BIRC6: variants seen among roughly 807,000 people sequenced by gnomAD.
BIRC6 encodes the protein baculoviral IAP repeat containing 6, also known as dual E2 ubiquitin-conjugating enzyme/E3 ubiquitin-protein ligase BIRC6.
In BIRC6, 98 loss-of-function variants were observed where a neutral mutation model predicts 503.3. That is an observed-to-expected ratio of 0.19 (90% CI 0.17 to 0.23). The LOEUF is 0.23. Among genes scored for constraint, BIRC6 ranks in the 10% least tolerant of loss-of-function variants. BIRC6 has a pLI of 1.00. For missense variants in BIRC6, 5,360 were observed against 5,806.0 expected (o/e 0.92, Z 2.50); for synonymous variants, 2,240 against 2,078.7 (o/e 1.08, Z -2.11).
intron 54 of BIRC6, 134 bp from the exon 55 acceptor site, chr2:32,514,856 T>G: frequency 1.5e-6 from 1 of 677,964 alleles, no homozygotes; most frequent in Non-Finnish European, 2.4e-6. Flanking sequence ...TCTTAAATCT[T>G]ACAATGTTTT....
chr2:32,499,835 G>A lies in BIRC6; in HGVS notation c.8757G>A (p.Met2919Ile). ...GCGAAATGACAAGAGATCAACTCAT[G>A]TTTGATTTGTTAAAACTTGTTAACA... ...VCGEMTRDQLMFDLLKLVNIL... is the reference protein window; with the variant it reads ...VCGEMTRDQLIFDLLKLVNIL... The change falls in exon 46 of 74, where the codon ATG becomes ATA. Residue 2919 changes from methionine to isoleucine, a missense_variant. Physicochemically the swap from Met to Ile is conservative, Grantham distance 10. Coordinates refer to ENST00000421745, the MANE Select transcript of BIRC6 (RefSeq NM_016252.4). The A allele has an allele frequency of 6.2e-7, 1 of 1,614,004 alleles. No individual in the cohort carries two copies. The highest frequency in any genetic ancestry group is 8.5e-7 in the Non-Finnish European group (1 of 1,179,882).
chr2:32,607,191 A>G (rs1276474275), intron 71 of BIRC6, among the ~76,000 whole-genome samples: 1 of 46,844 alleles, frequency 2.1e-5, no homozygotes, highest in African/African-American at 1.2e-4. Context: ...TATTATTATT[A>G]TCATCTATCT....
At chr2:32,485,612 G>A in intron 39 of BIRC6, 31 bp from the exon 40 acceptor site, 3 of 1,437,434 alleles carry the variant, frequency 2.1e-6, no homozygotes, top group Non-Finnish European at 2.9e-6. Flanking sequence ...AATTGTCAAT[G>A]TTTTCTTTTT....
Position 32,464,774 on chromosome 2 carries a change from C to T in BIRC6, c.5207C>T (p.Pro1736Leu), listed in dbSNP as rs61754195. 0.01 allele frequency: 16,596 copies of T among 1,613,858 alleles called. 115 individuals are homozygous for T. The highest frequency in any genetic ancestry group is 0.013 in the Non-Finnish European group (14,749 of 1,179,792). ...QLFPGSVIDPPAVNLAAHNKN... is the reference protein window; with the variant it reads ...QLFPGSVIDPLAVNLAAHNKN... ...TTCCCAGGCTCAGTCATTGATCCCCCAGCAGTCAATCTTGCTGCACATAAC... is the reference window on the plus strand; with the variant it reads ...TTCCCAGGCTCAGTCATTGATCCCCTAGCAGTCAATCTTGCTGCACATAAC... The change falls in exon 25 of 74, where the codon CCA becomes CTA. Residue 1736 changes from proline to leucine, a missense_variant. Pro to Leu is a moderately conservative substitution (Grantham distance 98). Transcript: ENST00000421745.
At chr2:32,566,527 A>G (rs1375337902) in intron 65 of BIRC6, 1 of 151,776 alleles carries the variant, frequency 6.6e-6, no homozygotes, top group African/African-American at 2.4e-5. Context: ...TAATTTTTAA[A>G]ATTTTGTGTA....
intron 65 of BIRC6, among the ~76,000 whole-genome samples, chr2:32,571,086 C>T (rs1159450782): frequency 6.6e-6 from 1 of 152,144 alleles, no homozygotes; most frequent in African/African-American, 2.4e-5. Context: ...GTTGGGATTA[C>T]AGGTGTGAAC....
rs189532187 is a variant in BIRC6 at position 32,433,621 on chromosome 2, G to T, written c.3249-23G>T. The T allele has an allele frequency of 2.9e-4, 448 of 1,522,076 alleles. 1 individual carries two copies. In the African/African-American group the frequency reaches 5.5e-3, roughly 19 times the overall value. 94.3% of individuals were successfully genotyped at this position (1,522,076 alleles called of 1,614,324 possible). On this transcript the variant is annotated intron_variant, in intron 12 of 73. Coordinates refer to ENST00000421745, the MANE Select transcript of BIRC6 (RefSeq NM_016252.4). ...TGAAGAAAGATTTTTGCTTTATTTAGCATTTTTCCCCTTATTTGACAGCAA... is the reference window on the plus strand; with the variant it reads ...TGAAGAAAGATTTTTGCTTTATTTATCATTTTTCCCCTTATTTGACAGCAA...
At chr2:32,484,550 C>CAAAAA (rs1251134880) in intron 39 of BIRC6, among the ~76,000 whole-genome samples, 1 of 69,618 alleles carries the variant, frequency 1.4e-5, no homozygotes, top group African/African-American at 4.5e-5. Flanking sequence ...AACTCCAACT[C>CAAAAA]AAAAAAAAAA....
At chr2:32,525,223 A>G (rs1174131806) in intron 58 of BIRC6, among the ~76,000 whole-genome samples, 3 of 152,140 alleles carry the variant, frequency 2.0e-5, no homozygotes, top group Non-Finnish European at 4.4e-5. Flanking sequence ...TTCAGAGATT[A>G]TAGCAGCTAG....
At chr2:32,530,592 C>T (rs2056658737) in intron 60 of BIRC6, among the ~76,000 whole-genome samples, 1 of 135,062 alleles carries the variant, frequency 7.4e-6, no homozygotes, top group South Asian at 2.6e-4. Context: ...TTATTTGTTC[C>T]CCAATCATCG....
At position 32,453,852 on chromosome 2, in the gene BIRC6, A is replaced by C; in HGVS notation, c.4663A>C (p.Thr1555Pro). ...TTGCACAGCTGCTGAGGGTAGTTTC[A>C]CATCTCTCACTGGACTTTTGGAAGT... ...SSCTAAEGSF[T>P]SLTGLLEVEP... The change falls in exon 23 of 74, where the codon ACA (threonine) becomes CCA (proline). Residue 1555 changes from threonine to proline, a missense_variant. Thr to Pro is a conservative substitution (Grantham distance 38). This residue lies in a region of BIRC6 where 2,299 missense variants were observed against 2,267.2 expected (regional missense o/e 1.01). Transcript: ENST00000421745. 6.2e-6 allele frequency: 10 copies of C among 1,613,796 alleles called. No individual in the cohort carries two copies. The highest frequency in any genetic ancestry group is 8.5e-6 in the Non-Finnish European group (10 of 1,179,720).
chr2:32,385,541 G>A (rs1280493289), intron 3 of BIRC6, among the ~76,000 whole-genome samples: 1 of 152,188 alleles, frequency 6.6e-6, no homozygotes, highest in African/African-American at 2.4e-5. Context: ...AAGGAGAATG[G>A]TTATTTGCAT....
intron 61 of BIRC6, among the ~76,000 whole-genome samples, chr2:32,542,900 A>C (rs1029422109): frequency 1.3e-5 from 2 of 152,020 alleles, no homozygotes; most frequent in African/African-American, 4.8e-5. Context: ...CCTGGGTTCA[A>C]GTGTTTCTCC....
At chr2:32,530,721 C>G (rs1337756393) in intron 60 of BIRC6, among the ~76,000 whole-genome samples, 1 of 152,030 alleles carries the variant, frequency 6.6e-6, no homozygotes, top group Non-Finnish European at 1.5e-5. Flanking sequence ...AAAATTCAGT[C>G]TTTAGTTATT....
chr2:32,512,728 G>C (rs1231650481), intron 53 of BIRC6, among the ~76,000 whole-genome samples: 1 of 152,180 alleles, frequency 6.6e-6, no homozygotes, highest in Admixed American at 6.5e-5. Context: ...AATTGGTAAG[G>C]TTATTGGAAA....
Position 32,532,684 on chromosome 2 carries a change from A to G in BIRC6, c.12291+1133A>G, listed in dbSNP as rs890530193. On this transcript the variant is annotated intron_variant, in intron 61 of 73. Transcript: ENST00000421745. ...TTATTCATGTTATTGCTTCCCTAGT[A>G]TTCAAAAATATAAGATGATATAACT... is the stretch of plus-strand genomic sequence containing the variant. Among the ~76,000 whole-genome samples the G allele has an allele frequency of 2.0e-5, 3 of 152,316 alleles. No individual in the cohort carries two copies. The East Asian group carries it at 5.8e-4, about 29-fold the overall frequency.
intron 38 of BIRC6, among the ~76,000 whole-genome samples, 194 bp from the exon 39 acceptor site, chr2:32,482,235 G>C (rs1200471982): frequency 6.6e-6 from 1 of 152,160 alleles, no homozygotes; most frequent in Non-Finnish European, 1.5e-5. Context: ...GGTATTTTTA[G>C]ATTTTGGCAG....
intron 10 of BIRC6, among the ~76,000 whole-genome samples, 160 bp from the exon 11 acceptor site, chr2:32,428,976 TTTGTAATTCC>T: frequency 6.6e-6 from 1 of 152,246 alleles, no homozygotes. Context: ...TTGGTTTCAA[TTTGTAATTCC>T]TTGGCAATTA....
intron 3 of BIRC6, among the ~76,000 whole-genome samples, chr2:32,382,700 A>G (rs1420334626): frequency 6.6e-6 from 1 of 152,226 alleles, no homozygotes; most frequent in Non-Finnish European, 1.5e-5. Context: ...CTTTCATATA[A>G]CAAAACTATT....
Sources: allele counts gnomAD v4.1 joint callset (sites outside exome capture counted in the v4.1 genomes callset), GRCh38; gene constraint gnomAD v4.1.1; regional missense constraint gnomAD v4.1.1; transcripts MANE v1.5; gene names NCBI Gene and HGNC (gene_info 2026-07-23, HGNC 2026-07-21).